Variants in ROBO2 observed in about 807,000 individuals in gnomAD.
ROBO2 encodes the protein roundabout guidance receptor 2.
In ROBO2, 53 loss-of-function variants were observed where a neutral mutation model predicts 160.8. The observed-to-expected ratio is 0.33, with a 90% CI of 0.26 to 0.41. The LOEUF (loss-of-function observed/expected upper bound fraction) is 0.41. Ranked by LOEUF, ROBO2 falls within the 10% of genes least tolerant of loss-of-function variation. The pLI is 1.00. For synonymous variants in ROBO2, 664 were observed against 611.7 expected (o/e 1.09, Z -1.26); for missense variants, 1,577 against 1,722.4 (o/e 0.92, Z 1.49).
At chr3:75,938,945 T>C (rs1474124906) in intron 2 of ROBO2, among the ~76,000 whole-genome samples, 1 of 152,196 alleles carries the variant, frequency 6.6e-6, no homozygotes, top group Non-Finnish European at 1.5e-5. Context: ...TAGTAGTTTT[T>C]TCACCAAAGG....
intron 2 of ROBO2, among the ~76,000 whole-genome samples, chr3:76,980,482 C>T (rs775172571): frequency 5.3e-5 from 8 of 152,044 alleles, no homozygotes; most frequent in Non-Finnish European, 8.8e-5. Context: ...AGAAATTATG[C>T]TAGGAGATTC....
chr3:77,564,981 C>A (rs765291604), exon 12 of ROBO2: 2 of 1,613,396 alleles, frequency 1.2e-6, no homozygotes, highest in African/African-American at 1.3e-5. Context: ...GCTGGCAGAC[C>A]GTGGCAAACC....
chr3:76,306,294 G>A (rs2071337572), intron 2 of ROBO2, among the ~76,000 whole-genome samples: 1 of 151,848 alleles, frequency 6.6e-6, no homozygotes, highest in Non-Finnish European at 1.5e-5. Context: ...ATTTTTGTTT[G>A]TAAACTCATT....
At chr3:76,466,760 A>T (rs150174629) in intron 2 of ROBO2, among the ~76,000 whole-genome samples, 1 of 152,012 alleles carries the variant, frequency 6.6e-6, no homozygotes. Context: ...TACATTCAGA[A>T]CATCAGGGAC....
At chr3:77,293,879 A>T (rs1383160195) in intron 2 of ROBO2, among the ~76,000 whole-genome samples, 2 of 141,894 alleles carry the variant, frequency 1.4e-5, no homozygotes, top group African/African-American at 2.8e-5. Flanking sequence ...TGTAAAGTAA[A>T]ATTGACGGCT....
chr3:77,189,730 C>T (rs9857299), intron 2 of ROBO2, among the ~76,000 whole-genome samples: 28,174 of 151,772 alleles, frequency 0.19, 2,851 homozygotes, highest in Middle Eastern at 0.28. Flanking sequence ...AAAACTATTT[C>T]GATAGAACAG....
At chr3:75,931,906 C>T (rs1474183461) in intron 1 of ROBO2, among the ~76,000 whole-genome samples, 3 of 152,044 alleles carry the variant, frequency 2.0e-5, no homozygotes, top group African/African-American at 7.2e-5. Context: ...AGCTCAGTAA[C>T]TAAGATAACA....
chr3:75,973,540 ATAAAACT>A (rs1490675010), intron 2 of ROBO2, among the ~76,000 whole-genome samples: 1 of 151,694 alleles, frequency 6.6e-6, no homozygotes, highest in Non-Finnish European at 1.5e-5. Context: ...TGCACCAAAA[ATAAAACT>A]TAAAACAACA....
At chr3:76,290,234 A>G (rs1012257652) in intron 2 of ROBO2, among the ~76,000 whole-genome samples, 1 of 152,014 alleles carries the variant, frequency 6.6e-6, no homozygotes, top group Non-Finnish European at 1.5e-5. Flanking sequence ...TGTAATTCTC[A>G]TTGTAGAGAT....
At chr3:76,455,367 A>T (rs902604725) in intron 2 of ROBO2, among the ~76,000 whole-genome samples, 1 of 152,124 alleles carries the variant, frequency 6.6e-6, no homozygotes, top group Non-Finnish European at 1.5e-5. Flanking sequence ...TTGTTTTATA[A>T]TTCTTTTTCA....
chr3:76,213,788 G>A (rs1377959761), intron 2 of ROBO2, among the ~76,000 whole-genome samples: 1 of 152,092 alleles, frequency 6.6e-6, no homozygotes, highest in Non-Finnish European at 1.5e-5. Flanking sequence ...TTATTAATTT[G>A]ACATGTATTG....
intron 2 of ROBO2, among the ~76,000 whole-genome samples, chr3:76,871,256 C>A (rs1216831589): frequency 1.3e-5 from 2 of 152,132 alleles, no homozygotes; most frequent in Non-Finnish European, 2.9e-5. Flanking sequence ...AGAATTTTGT[C>A]TTTGAAAAAT....
At chr3:76,877,804 C>T (rs1359344571) in intron 2 of ROBO2, among the ~76,000 whole-genome samples, 1 of 152,174 alleles carries the variant, frequency 6.6e-6, no homozygotes, top group Non-Finnish European at 1.5e-5. Flanking sequence ...TTAGGGCTCT[C>T]TGGCTTGCAC....
intron 2 of ROBO2, among the ~76,000 whole-genome samples, chr3:75,952,886 T>A (rs1948599518): frequency 2.0e-5 from 3 of 151,962 alleles, no homozygotes; most frequent in African/African-American, 7.2e-5. Flanking sequence ...GTAGTTAGAA[T>A]CACATGGTAT....
At chr3:77,549,477 T>C (rs2153652356) in intron 7 of ROBO2, among the ~76,000 whole-genome samples, 2 of 152,122 alleles carry the variant, frequency 1.3e-5, no homozygotes, top group South Asian at 4.1e-4. Flanking sequence ...TATATAATAG[T>C]ACACATTTTA....
intron 2 of ROBO2, among the ~76,000 whole-genome samples, chr3:77,317,795 AGGGGGGCTGCTG>A (rs1394713853): frequency 1.3e-3 from 6 of 4,500 alleles, no homozygotes; most frequent in African/African-American, 6.7e-3. Flanking sequence ...GGGGGCTGCT[AGGGGGGCTGCTG>A]GGGGGGCTGC....
chr3:77,474,652 G>A (rs1669446449), intron 2 of ROBO2, among the ~76,000 whole-genome samples: 1 of 116,308 alleles, frequency 8.6e-6, no homozygotes, highest in African/African-American at 3.5e-5. Flanking sequence ...AGGATTTAGG[G>A]GGAATACACA....
intron 2 of ROBO2, among the ~76,000 whole-genome samples, chr3:76,294,174 C>A (rs1378957738): frequency 2.0e-5 from 3 of 152,130 alleles, no homozygotes; most frequent in African/African-American, 7.2e-5. Context: ...GCAGTGGGAG[C>A]AGTTATTCCG....
chr3:76,607,203 G>T (rs1042409085), intron 2 of ROBO2, among the ~76,000 whole-genome samples: 5 of 151,970 alleles, frequency 3.3e-5, no homozygotes, highest in African/African-American at 4.8e-5. Flanking sequence ...TGAACTCCTG[G>T]ACAGGAGCAA....
Sources: allele counts gnomAD v4.1 joint callset (sites outside exome capture counted in the v4.1 genomes callset), GRCh38; gene constraint gnomAD v4.1.1; transcripts MANE v1.5; gene names NCBI Gene and HGNC (gene_info 2026-07-23, HGNC 2026-07-21).